THEMIS: variants seen among roughly 807,000 people sequenced by gnomAD.
The protein encoded by THEMIS is protein THEMIS.
In THEMIS, 37 loss-of-function variants were observed where a neutral mutation model predicts 52.6. The ratio of observed to expected loss-of-function variants is 0.70; its 90% CI spans 0.54 to 0.93. The LOEUF (loss-of-function observed/expected upper bound fraction) is 0.93, where lower values mean the gene tolerates loss of function less well. THEMIS is among the 40% of genes least tolerant of loss of function. The pLI is 0.00. For synonymous variants in THEMIS, 292 were observed against 272.7 expected (o/e 1.07, Z -0.70); for missense variants, 808 against 763.1 (o/e 1.06, Z -0.69).
At position 127,813,300 on chromosome 6, in the gene THEMIS, A is replaced by G; in HGVS notation, c.1341T>C (p.Ser447=). The G allele has an allele frequency of 6.2e-7, 1 of 1,614,208 alleles. No homozygotes were observed. Among genetic ancestry groups the G allele is most frequent in the Non-Finnish European group, 8.5e-7 (1 of 1,180,034 alleles). Residue 447 remains serine, a synonymous_variant, in exon 4 of 6, where the codon TCT becomes TCC. Coordinates refer to ENST00000368248, the MANE Select transcript of THEMIS (RefSeq NM_001010923.3). ...GCAAACGGAACTGTTTACAGAGCTC[A>G]GAAATCGGGTACTGTTTCTTATCAT... ...VIHDKKQYPI[S]ELCKQFRLPF... is the part of the protein sequence containing the mutation.
rs1387546937 is a variant in THEMIS, at chr6:127,829,834, G to C, written c.351C>G (p.Phe117Leu). 16 of 1,613,896 alleles carry C rather than the reference G, an allele frequency of 9.9e-6. No individual in the cohort carries two copies. In the East Asian group the frequency reaches 3.6e-4, roughly 36 times the overall value. ...CTAGTTTTATATCCTTCTGATGATA[G>C]AAGCAAGGATGCCCTAGTCTACTTG... ...IGPSRLGHPC[F>L]YHQKDIKLEN... The change falls in exon 3 of 6, where the codon TTC becomes TTG. Residue 117 changes from phenylalanine to leucine, a missense_variant. Transcript: ENST00000368248.
At chr6:127,823,633 TTG>T (rs1369206290) in intron 3 of THEMIS, among the ~76,000 whole-genome samples, 2 of 151,938 alleles carry the variant, frequency 1.3e-5, no homozygotes, top group East Asian at 3.8e-4. Context: ...CTAATGAAAA[TTG>T]TGTTTTACTA....
intron 4 of THEMIS, among the ~76,000 whole-genome samples, chr6:127,743,269 TCTTCTGGGCATAAAA>T (rs1298051864): frequency 6.6e-6 from 1 of 152,172 alleles, no homozygotes; most frequent in Non-Finnish European, 1.5e-5. Context: ...TGACTGCTAC[TCTTCTGGGCATAAAA>T]CATGCCAGAT....
intron 4 of THEMIS, among the ~76,000 whole-genome samples, chr6:127,748,149 T>C (rs776082133): frequency 3.5e-4 from 53 of 152,134 alleles, no homozygotes; most frequent in Non-Finnish European, 6.8e-4. Context: ...TTGCCTCTAT[T>C]AGGTGGGTTA....
At chr6:127,783,936 C>T (rs761980893) in intron 4 of THEMIS, among the ~76,000 whole-genome samples, 14 of 152,138 alleles carry the variant, frequency 9.2e-5, no homozygotes, top group Admixed American at 1.3e-4. Flanking sequence ...CACATGCACA[C>T]GTATGTTTAT....
chr6:127,778,985 T>C (rs140027303), intron 4 of THEMIS, among the ~76,000 whole-genome samples: 16 of 152,186 alleles, frequency 1.1e-4, no homozygotes, highest in African/African-American at 3.6e-4. Context: ...CAACTTCATG[T>C]GTTATATCTG....
At chr6:127,806,980 T>C (rs866500156) in intron 4 of THEMIS, among the ~76,000 whole-genome samples, 3 of 152,228 alleles carry the variant, frequency 2.0e-5, no homozygotes, top group African/African-American at 7.2e-5. Flanking sequence ...TGCCATTTAC[T>C]AGACAACAGA....
At position 127,846,384 on chromosome 6, in the gene THEMIS, T is replaced by A. The variant is rs144683683; in HGVS notation, c.250+8646A>T. Among the ~76,000 whole-genome samples the A allele has an allele frequency of 6.6e-3, 1,002 of 151,946 alleles. 12 individuals are homozygous for A. The highest frequency in any genetic ancestry group is 0.022 in the African/African-American group (929 of 41,502). On this transcript the variant is annotated intron_variant, in intron 2 of 5. Coordinates refer to ENST00000368248, the MANE Select transcript of THEMIS (RefSeq NM_001010923.3). ...GCAAGCAATCAATAGAAGCTGTTCCTGCAGAGTGAGATTCACCAAGAAAAA... is the reference window on the plus strand; with the variant it reads ...GCAAGCAATCAATAGAAGCTGTTCCAGCAGAGTGAGATTCACCAAGAAAAA...
At chr6:127,772,488 T>A (rs1776420626) in intron 4 of THEMIS, among the ~76,000 whole-genome samples, 1 of 152,142 alleles carries the variant, frequency 6.6e-6, no homozygotes, top group Admixed American at 6.5e-5. Context: ...CTTTTCAGAA[T>A]CTTCATTTTT....
chr6:127,787,920 A>G (rs440576), intron 4 of THEMIS, among the ~76,000 whole-genome samples: 16,920 of 133,896 alleles, frequency 0.13, 1,168 homozygotes, highest in African/African-American at 0.15. Flanking sequence ...TAGATAGATA[A>G]ATAGATGCTC....
intron 1 of THEMIS, among the ~76,000 whole-genome samples, chr6:127,892,934 C>T (rs536930393): frequency 2.4e-4 from 36 of 152,130 alleles, no homozygotes; most frequent in East Asian, 5.8e-4. Flanking sequence ...ATGTGAACTG[C>T]CTTTTACATC....
chr6:127,716,841 G>C (rs896491133), intron 5 of THEMIS, among the ~76,000 whole-genome samples: 7 of 151,844 alleles, frequency 4.6e-5, no homozygotes, highest in African/African-American at 1.7e-4. Flanking sequence ...GAGTCCATTA[G>C]AGAGCGTCAG....
rs58472332 is a variant in THEMIS, at chr6:127,907,337, ATTTTTTTTTTTTT to A, written c.-149-6269_-149-6257del. Among the ~76,000 whole-genome samples the A allele has an allele frequency of 1.4e-4, 7 of 49,458 alleles. No homozygotes were observed. In the East Asian group the frequency reaches 1.5e-3, roughly 11 times the overall value. 32.4% of individuals were successfully genotyped at this position (49,458 alleles called of 152,430 possible). On this transcript the variant is annotated intron_variant, in intron 1 of 6. Coordinates refer to the THEMIS transcript ENST00000368250. ...AATACCATTAGGGCATTAGGCTCGGATTTTTTTTTTTTTTTTTTTTTTTTTTTTTGCATGAGCG... is the reference window on the plus strand; with the variant it reads ...AATACCATTAGGGCATTAGGCTCGGATTTTTTTTTTTTTTTTGCATGAGCG...
At chr6:127,842,680 T>G (rs1176372766) in intron 2 of THEMIS, among the ~76,000 whole-genome samples, 1 of 151,926 alleles carries the variant, frequency 6.6e-6, no homozygotes, top group Non-Finnish European at 1.5e-5. Flanking sequence ...CATTCTAGGA[T>G]AGAAAAGTCT....
intron 4 of THEMIS, among the ~76,000 whole-genome samples, chr6:127,732,779 G>C (rs1022364994): frequency 2.0e-5 from 3 of 152,162 alleles, no homozygotes; most frequent in African/African-American, 7.2e-5. Flanking sequence ...AGTATTAGCT[G>C]TTACAAATAA....
At chr6:127,734,896 A>AAAAAAT (rs1554216674) in intron 4 of THEMIS, among the ~76,000 whole-genome samples, 3 of 65,446 alleles carry the variant, frequency 4.6e-5, no homozygotes, top group East Asian at 2.9e-4. Context: ...AAAAAAAAAA[A>AAAAAAT]ATATATATAT....
Position 127,727,761 on chromosome 6 carries a change from C to T in THEMIS, c.1759-7938G>A, listed in dbSNP as rs576486693. Reference sequence around the variant, plus strand: ...TGGCATTCTTGCTACCAAAGTGTTGCTAAAATATAAAATGCATGCTCTGTT... The same window carrying T: ...TGGCATTCTTGCTACCAAAGTGTTGTTAAAATATAAAATGCATGCTCTGTT... On this transcript the variant is annotated intron_variant, in intron 4 of 5. Transcript: ENST00000368248. Among the ~76,000 whole-genome samples the T allele has an allele frequency of 3.9e-5, 6 of 152,152 alleles. No individual in the cohort carries two copies. In the South Asian group the frequency reaches 1.2e-3, roughly 32 times the overall value.
intron 2 of THEMIS, among the ~76,000 whole-genome samples, chr6:127,841,747 C>G (rs1779055081): frequency 6.6e-6 from 1 of 151,796 alleles, no homozygotes; most frequent in Non-Finnish European, 1.5e-5. Context: ...AGAAATAGAT[C>G]TTAAAATTAT....
chr6:127,774,811 AGCT>A (rs1166705919), intron 4 of THEMIS, among the ~76,000 whole-genome samples: 14 of 152,326 alleles, frequency 9.2e-5, no homozygotes, highest in African/African-American at 3.1e-4. Context: ...AATCAAGTCA[AGCT>A]GCTGTATTTA....
Sources: gnomAD v4.1 joint callset for allele counts (sites outside exome capture counted in the v4.1 genomes callset) on GRCh38, gnomAD v4.1.1 for gene constraint, MANE v1.5 for transcripts, NCBI Gene and HGNC (gene_info 2026-07-23, HGNC 2026-07-21) for gene names.